The following EXOC6 variants were observed in gnomAD, a reference collection of about 807,000 sequenced individuals.
EXOC6 encodes the protein exocyst complex component 6.
EXOC6 carries 60 observed loss-of-function variants against 112.5 expected under a neutral mutation model. The ratio of observed to expected loss-of-function variants is 0.53; its 90% confidence interval spans 0.43 to 0.66. The LOEUF (loss-of-function observed/expected upper bound fraction) is 0.66, where lower values mean the gene tolerates loss of function less well. Among genes scored for constraint, EXOC6 ranks in the 30% least tolerant of loss-of-function variants. EXOC6 has a pLI of 0.00. For missense variants in EXOC6, 855 were observed against 957.1 expected, an observed-to-expected ratio of 0.89 and a Z score of 1.41; for synonymous variants, 295 against 308.0, an observed-to-expected ratio of 0.96 and a Z score of 0.44.
intron 18 of EXOC6, among the ~76,000 whole-genome samples, chr10:92,974,511 G>T (rs1049890497): frequency 1.2e-4 from 8 of 67,270 alleles, no homozygotes; most frequent in Non-Finnish European, 2.1e-4. Flanking sequence ...ATCTCTAATA[G>T]AAATAATTTA....
chr10:92,914,634 T>C (rs2133888510), intron 6 of EXOC6, among the ~76,000 whole-genome samples: 1 of 152,300 alleles, frequency 6.6e-6, no homozygotes, highest in East Asian at 1.9e-4. Flanking sequence ...GGAGTGATAA[T>C]AATTTTCTCC....
At chr10:92,893,315 T>C in intron 1 of EXOC6, 34 bp from the exon 2 acceptor site, 1 of 1,487,140 alleles carries the variant, frequency 6.7e-7, no homozygotes, top group Non-Finnish European at 9.0e-7. Flanking sequence ...AATAATACAT[T>C]TTGGTTAATT....
intron 1 of EXOC6, among the ~76,000 whole-genome samples, chr10:92,891,290 C>T (rs1849486611): frequency 6.6e-6 from 1 of 152,066 alleles, no homozygotes; most frequent in Non-Finnish European, 1.5e-5. Flanking sequence ...AAAAATTTAG[C>T]AGGTGTCAGT....
intron 20 of EXOC6, among the ~76,000 whole-genome samples, chr10:93,050,069 C>G (rs1846208034): frequency 6.6e-6 from 1 of 151,534 alleles, no homozygotes; most frequent in Admixed American, 6.6e-5. Flanking sequence ...AGTTATATAA[C>G]AAGAAATAGA....
At chr10:92,965,965 A>G (rs1239577845) in intron 17 of EXOC6, among the ~76,000 whole-genome samples, 1 of 152,154 alleles carries the variant, frequency 6.6e-6, no homozygotes, top group Non-Finnish European at 1.5e-5. Context: ...ATTCCCTGAC[A>G]TAGATTTATT....
intron 1 of EXOC6, among the ~76,000 whole-genome samples, chr10:92,858,539 C>T (rs551613524): frequency 1.3e-5 from 2 of 152,234 alleles, no homozygotes; most frequent in East Asian, 3.9e-4. Context: ...TGTTGGGACC[C>T]TCCAATGAAT....
chr10:93,028,173 C>A (rs990569116), intron 20 of EXOC6, among the ~76,000 whole-genome samples: 12 of 152,186 alleles, frequency 7.9e-5, no homozygotes, highest in African/African-American at 2.9e-4. Context: ...TGGTGCTTGC[C>A]TGTAATCCCA....
intron 18 of EXOC6, among the ~76,000 whole-genome samples, chr10:92,991,447 A>C (rs192198141): frequency 2.7e-3 from 412 of 151,928 alleles, no homozygotes; most frequent in African/African-American, 8.7e-3. Flanking sequence ...AAAAAAAAAA[A>C]AAAAAACAAA....
intron 13 of EXOC6, among the ~76,000 whole-genome samples, chr10:92,943,013 C>CT (rs1852754245): frequency 6.6e-6 from 1 of 151,632 alleles, no homozygotes; most frequent in Non-Finnish European, 1.5e-5. Context: ...CCAGATCATG[C>CT]TTTTTGCCTA....
In EXOC6 at chr10:92,906,255, C is replaced by T. The variant is rs137901045; in HGVS notation, c.459-3172C>T. Among the ~76,000 whole-genome samples, 6 of 152,240 alleles carry T rather than the reference C, an allele frequency of 3.9e-5. No individual in the cohort carries two copies. In the East Asian group the frequency reaches 1.2e-3, roughly 29 times the overall value. On this transcript the variant is annotated intron_variant, in intron 5 of 21. Transcript: ENST00000260762. ...TACATTGGAAGTGATTCAGACATCA[C>T]ATAGTTGTGTCTTATTTTTTCCACT...
intron 8 of EXOC6, among the ~76,000 whole-genome samples, chr10:92,921,385 C>T (rs1250818211): frequency 6.6e-6 from 1 of 151,466 alleles, no homozygotes; most frequent in Non-Finnish European, 1.5e-5. Context: ...GCTGGGTTTA[C>T]AGGCACCCGC....
At chr10:92,983,500 CTTTTTTTTTTT>C (rs11349490) in intron 18 of EXOC6, among the ~76,000 whole-genome samples, 2 of 109,398 alleles carry the variant, frequency 1.8e-5, no homozygotes, top group African/African-American at 7.7e-5. Context: ...CTTTCTTCTT[CTTTTTTTTTTT>C]TTTTTTTGAG....
intron 1 of EXOC6, among the ~76,000 whole-genome samples, chr10:92,890,528 GGAA>G (rs1305783093): frequency 3.7e-4 from 57 of 152,114 alleles, no homozygotes; most frequent in African/African-American, 1.4e-3. Flanking sequence ...TTCCAGTAGG[GGAA>G]GACAGATAAT....
intron 14 of EXOC6, 85 bp downstream of exon 14, chr10:92,948,464 G>A: frequency 1.3e-6 from 1 of 796,716 alleles, no homozygotes; most frequent in Non-Finnish European, 1.9e-6. Flanking sequence ...ATTAAGCTGA[G>A]ACTGTAAATA....
chr10:92,885,892 A>G lies in EXOC6; in HGVS notation c.102-7457A>G, dbSNP rs188920358. ...CATTGATGTGTCATTATCTATATAT[A>G]GAGCACTAAGGTATACTCTTATTGG... On this transcript the variant is annotated intron_variant, in intron 1 of 21. Coordinates refer to ENST00000260762, the MANE Select transcript of EXOC6 (RefSeq NM_019053.6). Among the ~76,000 whole-genome samples, 30 of 152,222 alleles carry G rather than the reference A, an allele frequency of 2.0e-4. No individual in the cohort carries two copies. The East Asian group carries it at 5.8e-3, about 29-fold the overall frequency.
At chr10:92,980,983 C>T (rs1006262816) in intron 18 of EXOC6, among the ~76,000 whole-genome samples, 34 of 152,080 alleles carry the variant, frequency 2.2e-4, no homozygotes, top group South Asian at 6.2e-4. Flanking sequence ...GCCTAGATCG[C>T]GCCATTGCAC....
chr10:92,896,425 G>A (rs904106884), intron 4 of EXOC6, among the ~76,000 whole-genome samples: 1 of 149,788 alleles, frequency 6.7e-6, no homozygotes, highest in African/African-American at 2.5e-5. Flanking sequence ...TCAAACTTCT[G>A]GCCTCAAATG....
At chr10:92,834,690 C>T, upstream of EXOC6, 2 of 1,407,794 alleles carry the variant, frequency 1.4e-6, no homozygotes, top group South Asian at 1.3e-5. Flanking sequence ...AACAGTTTTT[C>T]ACTCAATATC....
chr10:92,920,072 G>T, intron 8 of EXOC6, 22 bp downstream of exon 8: 2 of 1,441,756 alleles, frequency 1.4e-6, no homozygotes, highest in East Asian at 2.4e-5. Flanking sequence ...TTATATTTAT[G>T]TATATATAGC....
Sources: allele counts gnomAD v4.1 joint callset (sites outside exome capture counted in the v4.1 genomes callset), GRCh38; gene constraint gnomAD v4.1.1; transcripts MANE v1.5; gene names NCBI Gene and HGNC (gene_info 2026-07-23, HGNC 2026-07-21).